The following PDE1A variants were observed in gnomAD, a reference collection of about 807,000 sequenced individuals.
PDE1A encodes dual specificity calcium/calmodulin-dependent 3',5'-cyclic nucleotide phosphodiesterase 1A.
PDE1A carries 35 observed loss-of-function variants against 61.7 expected under a neutral mutation model. The ratio of observed to expected loss-of-function variants is 0.57; its 90% CI spans 0.43 to 0.75. The LOEUF (loss-of-function observed/expected upper bound fraction) is 0.75. PDE1A is among the 30% of genes least tolerant of loss of function. The pLI, the probability that PDE1A is intolerant of heterozygous loss-of-function variation, is 0.00. For synonymous variants in PDE1A, 232 were observed against 213.2 expected (o/e 1.09, Z -0.77); for missense variants, 597 against 630.6 (o/e 0.95, Z 0.57).
the PDE1A span, among the ~76,000 whole-genome samples, chr2:182,617,997 A>C: frequency 6.6e-6 from 1 of 152,216 alleles, no homozygotes; most frequent in South Asian, 2.1e-4. Context: ...ACTTTGACCA[A>C]GTTCAATTTT....
intron 1 of PDE1A, among the ~76,000 whole-genome samples, chr2:182,407,963 C>G (rs1216000661): frequency 1.3e-5 from 2 of 152,040 alleles, no homozygotes; most frequent in Non-Finnish European, 2.9e-5. Context: ...AATTTAAACT[C>G]AACAGCATCC....
the PDE1A span, among the ~76,000 whole-genome samples, chr2:182,559,780 T>G: frequency 2.0e-5 from 3 of 152,192 alleles, no homozygotes; most frequent in Non-Finnish European, 4.4e-5. Flanking sequence ...AATGAAGCAC[T>G]ATATGTACAG....
At chr2:182,328,086 T>C (rs1697163782) in intron 1 of PDE1A, among the ~76,000 whole-genome samples, 1 of 152,194 alleles carries the variant, frequency 6.6e-6, no homozygotes, top group Non-Finnish European at 1.5e-5. Flanking sequence ...TCTCTTCTGA[T>C]TGCTTTTATT....
downstream of PDE1A, among the ~76,000 whole-genome samples, chr2:182,164,787 G>A (rs551277821): frequency 7.9e-5 from 12 of 152,250 alleles, no homozygotes; most frequent in East Asian, 2.3e-3. Flanking sequence ...TTCCATCACA[G>A]AAGGGGCAGC....
intron 2 of PDE1A, among the ~76,000 whole-genome samples, chr2:182,436,591 C>G (rs535307725): frequency 6.6e-6 from 1 of 151,810 alleles, no homozygotes; most frequent in Non-Finnish European, 1.5e-5. Flanking sequence ...AATAATTTTC[C>G]CTCATCTGCT....
At chr2:182,445,863 A>G (rs1685097049) in intron 2 of PDE1A, among the ~76,000 whole-genome samples, 1 of 152,054 alleles carries the variant, frequency 6.6e-6, no homozygotes. Context: ...CAATCATGAC[A>G]TTTAAAATTA....
intron 1 of PDE1A, among the ~76,000 whole-genome samples, chr2:182,291,044 T>C (rs1694497333): frequency 6.6e-6 from 1 of 152,074 alleles, no homozygotes; most frequent in Non-Finnish European, 1.5e-5. Context: ...TGATTCTCCA[T>C]CATAGCTCAT....
chr2:182,425,201 T>C (rs1310204197), intron 1 of PDE1A, among the ~76,000 whole-genome samples: 3 of 152,192 alleles, frequency 2.0e-5, no homozygotes, highest in African/African-American at 7.2e-5. Flanking sequence ...AACACAACCT[T>C]GCCTTTCCAA....
chr2:182,629,703 T>A, the PDE1A span, among the ~76,000 whole-genome samples: 1 of 152,218 alleles, frequency 6.6e-6, no homozygotes, highest in African/African-American at 2.4e-5. Flanking sequence ...ATCAACATTA[T>A]GTATACATGT....
the PDE1A span, among the ~76,000 whole-genome samples, chr2:182,699,243 G>A: frequency 6.6e-6 from 1 of 152,248 alleles, no homozygotes; most frequent in East Asian, 1.9e-4. Flanking sequence ...CTAATAAACT[G>A]ACTATTCATA....
chr2:182,606,958 C>A, the PDE1A span, among the ~76,000 whole-genome samples: 1 of 152,118 alleles, frequency 6.6e-6, no homozygotes, highest in Non-Finnish European at 1.5e-5. Context: ...GAAGGTGCTG[C>A]CGCTGAGGAG....
chr2:182,583,752 G>T, the PDE1A span, among the ~76,000 whole-genome samples: 3 of 152,188 alleles, frequency 2.0e-5, no homozygotes, highest in South Asian at 2.1e-4. Context: ...ACATATTTCT[G>T]CTATACTGTA....
intron 3 of PDE1A, among the ~76,000 whole-genome samples, chr2:182,235,322 T>G (rs898580080): frequency 6.6e-6 from 1 of 152,182 alleles, no homozygotes; most frequent in Non-Finnish European, 1.5e-5. Flanking sequence ...TTTTGTATTT[T>G]CAGTAGAGAC....
chr2:182,681,008 G>T, the PDE1A span, among the ~76,000 whole-genome samples: 3 of 152,174 alleles, frequency 2.0e-5, no homozygotes, highest in South Asian at 6.2e-4. Context: ...TAACTTTCAG[G>T]TGTTGCTATG....
chr2:182,535,994 G>A, the PDE1A span, among the ~76,000 whole-genome samples: 33 of 152,152 alleles, frequency 2.2e-4, no homozygotes, highest in Non-Finnish European at 1.6e-4. Flanking sequence ...ATGCTAAAGT[G>A]AACAGTCCGA....
At chr2:182,579,613 C>A in the PDE1A span, among the ~76,000 whole-genome samples, 4 of 152,108 alleles carry the variant, frequency 2.6e-5, no homozygotes, top group Non-Finnish European at 5.9e-5. Context: ...GTATATAGAG[C>A]CACTTTGACT....
At chr2:182,553,812 G>A in the PDE1A span, among the ~76,000 whole-genome samples, 2 of 152,220 alleles carry the variant, frequency 1.3e-5, no homozygotes, top group Non-Finnish European at 2.9e-5. Context: ...ACACACAGAA[G>A]TGCAGAGCAA....
intron 1 of PDE1A, among the ~76,000 whole-genome samples, chr2:182,286,811 A>T (rs1694195503): frequency 6.6e-6 from 1 of 152,166 alleles, no homozygotes; most frequent in Admixed American, 6.6e-5. Context: ...TGTATGCCAA[A>T]GAAAAAGAGG....
chr2:182,399,918 T>C (rs549624482), intron 1 of PDE1A, among the ~76,000 whole-genome samples: 108 of 152,278 alleles, frequency 7.1e-4, no homozygotes, highest in African/African-American at 2.5e-3. Flanking sequence ...TTTTTATTCC[T>C]GCATGAAAGA....
Sources: allele counts gnomAD v4.1 joint callset (sites outside exome capture counted in the v4.1 genomes callset), GRCh38; gene constraint gnomAD v4.1.1; transcripts MANE v1.5; gene names NCBI Gene and HGNC (gene_info 2026-07-23, HGNC 2026-07-21).